Variants in CDH18 observed in about 807,000 individuals in gnomAD.
CDH18 encodes cadherin-18.
CDH18 carries 31 observed loss-of-function variants against 67.9 expected under a neutral mutation model. The observed-to-expected ratio is 0.46, with a 90% CI of 0.34 to 0.62. The LOEUF is 0.62. Ranked by LOEUF, CDH18 falls within the 20% of genes least tolerant of loss-of-function variation. CDH18 has a pLI of 0.01. For synonymous variants in CDH18, 362 were observed against 347.2 expected, an observed-to-expected ratio of 1.04 and a Z score of -0.48; for missense variants, 890 against 975.5, an observed-to-expected ratio of 0.91 and a Z score of 1.17.
rs1292137345 is a variant in CDH18 at position 20,573,836 on chromosome 5, T to C, written c.-580+1626A>G. 1.2e-4 allele frequency among the ~76,000 whole-genome samples: 4 copies of C among 33,834 alleles called. 1 individual carries two copies. Among genetic ancestry groups the C allele is most frequent in the Non-Finnish European group, 2.6e-4 (4 of 15,564 alleles). 22.2% of individuals were successfully genotyped at this position (33,834 alleles called of 152,430 possible). A position where few individuals can be genotyped will look rare whatever the true frequency, so the allele number is the denominator to read the frequency against. On this transcript the variant is annotated intron_variant, in intron 1 of 14. Transcript: ENST00000507958. ...ATATATATATATATATATATATATA[T>C]ATATATATGTATTTATATATAAAAG...
At chr5:20,375,978 T>G (rs1446704803) in intron 1 of CDH18, among the ~76,000 whole-genome samples, 2 of 151,786 alleles carry the variant, frequency 1.3e-5, no homozygotes, top group Admixed American at 6.6e-5. Flanking sequence ...TGCCTAAATA[T>G]CCACTGAGAC....
chr5:19,750,779 T>C (rs1770740488), intron 3 of CDH18, among the ~76,000 whole-genome samples: 2 of 142,772 alleles, frequency 1.4e-5, no homozygotes, highest in South Asian at 5.1e-4. Flanking sequence ...CCCCCACTTT[T>C]TTTAAATCAG....
chr5:20,305,126 T>G lies in CDH18; in HGVS notation c.-579-49621A>C, dbSNP rs1736306571. ...GCAGCAAGAGAACCAAAGGCTACCT[T>G]GGGCTCTGCCACTGCCTTTGCACTG... On this transcript the variant is annotated intron_variant, in intron 1 of 14. Transcript: ENST00000507958. The G allele has an allele frequency of 2.6e-6, 4 of 1,518,484 alleles. No homozygotes were observed. In the Admixed American group the frequency reaches 6.7e-5, roughly 25 times the overall value. The allele number at this position is 1,518,484 out of a possible 1,614,324, so 94.1% of individuals were successfully genotyped here.
chr5:19,692,517 AACTC>A (rs1340945847), intron 5 of CDH18, among the ~76,000 whole-genome samples: 3 of 152,098 alleles, frequency 2.0e-5, no homozygotes, highest in Non-Finnish European at 4.4e-5. Flanking sequence ...ATATGTAAGA[AACTC>A]AAATAATTCA....
intron 1 of CDH18, among the ~76,000 whole-genome samples, chr5:20,465,850 C>A (rs1250543617): frequency 6.6e-6 from 1 of 151,890 alleles, no homozygotes; most frequent in Non-Finnish European, 1.5e-5. Context: ...CTCTGTAAGA[C>A]AATAAAATGC....
At chr5:20,109,437 T>A (rs1747261400) in intron 2 of CDH18, among the ~76,000 whole-genome samples, 1 of 152,124 alleles carries the variant, frequency 6.6e-6, no homozygotes, top group Non-Finnish European at 1.5e-5. Flanking sequence ...ATGATCTGAG[T>A]TGATAAGGGC....
chr5:19,900,003 G>A (rs904309897), intron 2 of CDH18, among the ~76,000 whole-genome samples: 2 of 152,120 alleles, frequency 1.3e-5, no homozygotes, highest in African/African-American at 4.8e-5. Flanking sequence ...ACATTCTAGA[G>A]ATCTGCTGTA....
chr5:20,213,925 C>T (rs1474092025), intron 2 of CDH18, among the ~76,000 whole-genome samples: 1 of 151,936 alleles, frequency 6.6e-6, no homozygotes, highest in African/African-American at 2.4e-5. Flanking sequence ...AAAGGAAAGT[C>T]AAACTATCCT....
At position 19,849,613 on chromosome 5, in the gene CDH18, CAT is replaced by C. The variant is rs202241269; in HGVS notation, c.-256-10373_-256-10372del. ...ATATATATAAACATATATATACACG[CAT>C]ATATATATAAACATATATATACACG... On this transcript the variant is annotated intron_variant, in intron 2 of 12. Transcript: ENST00000382275. Among the ~76,000 whole-genome samples the C allele has an allele frequency of 2.4e-3, 223 of 91,784 alleles. 8 individuals carry two copies. The highest frequency in any genetic ancestry group is 0.016 in the South Asian group (42 of 2,550). 60.2% of individuals were successfully genotyped at this position (91,784 alleles called of 152,430 possible).
At chr5:20,308,432 A>G (rs934629329) in intron 1 of CDH18, among the ~76,000 whole-genome samples, 2 of 151,912 alleles carry the variant, frequency 1.3e-5, no homozygotes, top group African/African-American at 4.8e-5. Context: ...ACTCCCAGCT[A>G]CTTGGGAGGC....
chr5:20,414,775 T>C (rs1747140520), intron 1 of CDH18, among the ~76,000 whole-genome samples: 1 of 152,084 alleles, frequency 6.6e-6, no homozygotes, highest in Non-Finnish European at 1.5e-5. Flanking sequence ...TGAGATATCG[T>C]TTCATACCTG....
intron 1 of CDH18, among the ~76,000 whole-genome samples, chr5:20,298,358 A>C (rs942850096): frequency 1.3e-5 from 2 of 152,192 alleles, no homozygotes; most frequent in Admixed American, 1.3e-4. Context: ...AAGAAACCCC[A>C]ACTTAATTTT....
At chr5:19,713,068 T>C (rs1007495985) in intron 5 of CDH18, among the ~76,000 whole-genome samples, 2 of 147,582 alleles carry the variant, frequency 1.4e-5, no homozygotes, top group African/African-American at 5.0e-5. Flanking sequence ...ATAGCTAATA[T>C]ATTTGCCACG....
At chr5:20,253,686 T>C (rs1401730469) in intron 2 of CDH18, among the ~76,000 whole-genome samples, 2 of 152,136 alleles carry the variant, frequency 1.3e-5, no homozygotes, top group African/African-American at 4.8e-5. Context: ...ATTAACTCAG[T>C]CAGACAACAA....
intron 2 of CDH18, among the ~76,000 whole-genome samples, chr5:19,959,510 A>C (rs1325417903): frequency 6.6e-6 from 1 of 152,078 alleles, no homozygotes; most frequent in Non-Finnish European, 1.5e-5. Flanking sequence ...ATTCCAAGAA[A>C]ACTCATTTTG....
chr5:20,247,718 C>T (rs1402203086), intron 2 of CDH18, among the ~76,000 whole-genome samples: 3 of 150,028 alleles, frequency 2.0e-5, no homozygotes, highest in Non-Finnish European at 3.0e-5. Flanking sequence ...GAGCAGAGAT[C>T]ACGCCACTGC....
intron 1 of CDH18, among the ~76,000 whole-genome samples, chr5:20,366,864 C>T (rs937550574): frequency 2.6e-5 from 4 of 152,048 alleles, no homozygotes; most frequent in Non-Finnish European, 4.4e-5. Flanking sequence ...CTCCTTCCCC[C>T]GGGATGATTG....
At chr5:19,954,316 T>G (rs2150276361) in intron 2 of CDH18, among the ~76,000 whole-genome samples, 1 of 152,188 alleles carries the variant, frequency 6.6e-6, no homozygotes, top group Non-Finnish European at 1.5e-5. Context: ...TTTGGTTTAA[T>G]TTTGTAGATG....
intron 1 of CDH18, among the ~76,000 whole-genome samples, chr5:20,444,537 AAAAC>A (rs1023929675): frequency 1.3e-5 from 2 of 152,158 alleles, no homozygotes; most frequent in Non-Finnish European, 2.9e-5. Flanking sequence ...CCTCTGTCTC[AAAAC>A]AAACAAAACA....
Sources: gnomAD v4.1 joint callset for allele counts (sites outside exome capture counted in the v4.1 genomes callset) on GRCh38, gnomAD v4.1.1 for gene constraint, MANE v1.5 for transcripts, NCBI Gene and HGNC (gene_info 2026-07-23, HGNC 2026-07-21) for gene names.